MAP3K13: variants seen among roughly 807,000 people sequenced by gnomAD.
MAP3K13 encodes leucine zipper-bearing kinase.
In MAP3K13, 52 loss-of-function variants were observed where a neutral mutation model predicts 104.0. The observed-to-expected ratio is 0.50, with a 90% CI of 0.40 to 0.63. MAP3K13 has a LOEUF of 0.63. MAP3K13 is among the 20% of genes least tolerant of loss of function. MAP3K13 has a pLI of 0.00. For synonymous variants in MAP3K13, 394 were observed against 442.2 expected (o/e 0.89, Z 1.37); for missense variants, 914 against 1,218.5 (o/e 0.75, Z 3.72).
rs146405420 is a variant in MAP3K13 at position 185,327,296 on chromosome 3, C to T, written c.-86+41653C>T. ...AGGATTCATGTGACTAGGTTGGACT[C>T]CTCCGGATAATCTCCCCATTTCAAA... On this transcript the variant is annotated intron_variant, in intron 2 of 14. Coordinates refer to the MAP3K13 transcript ENST00000424227. Among the ~76,000 whole-genome samples, 401 of 152,338 alleles carry T rather than the reference C, an allele frequency of 2.6e-3. 2 individuals carry two copies. The highest frequency in any genetic ancestry group is 0.014 in the South Asian group (69 of 4,832).
chr3:185,294,995 C>G (rs1720867627), intron 2 of MAP3K13, among the ~76,000 whole-genome samples: 1 of 152,198 alleles, frequency 6.6e-6, no homozygotes, highest in Non-Finnish European at 1.5e-5. Context: ...CCTCCCCCCT[C>G]TAATCTCATT....
chr3:185,441,737 T>C (rs1715332658), intron 3 of MAP3K13, among the ~76,000 whole-genome samples: 1 of 151,768 alleles, frequency 6.6e-6, no homozygotes, highest in Admixed American at 6.6e-5. Context: ...ACCCCGTCTC[T>C]ACTAAAAATA....
At chr3:185,357,576 C>T (rs1723421968) in intron 2 of MAP3K13, among the ~76,000 whole-genome samples, 1 of 151,576 alleles carries the variant, frequency 6.6e-6, no homozygotes, top group Non-Finnish European at 1.5e-5. Context: ...CCTTTGCAAA[C>T]TCAGTATATT....
At chr3:185,437,144 C>G (rs1469036527) in intron 2 of MAP3K13, among the ~76,000 whole-genome samples, 2 of 151,088 alleles carry the variant, frequency 1.3e-5, no homozygotes, top group Non-Finnish European at 2.9e-5. Flanking sequence ...GGTAAATTGA[C>G]TGACATGCAA....
chr3:185,344,182 T>A lies in MAP3K13; in HGVS notation c.-86+58539T>A, dbSNP rs546882082. Among the ~76,000 whole-genome samples the A allele has an allele frequency of 2.6e-5, 4 of 151,928 alleles. No homozygotes were observed. The South Asian group carries it at 8.3e-4, about 32-fold the overall frequency. On this transcript the variant is annotated intron_variant, in intron 2 of 14. Coordinates refer to the MAP3K13 transcript ENST00000424227. ...CACCATCTACTGTCTATACCTGCTATGGGTCTGGGAAGAGGCATAGAGGCA... is the reference window on the plus strand; with the variant it reads ...CACCATCTACTGTCTATACCTGCTAAGGGTCTGGGAAGAGGCATAGAGGCA...
intron 2 of MAP3K13, among the ~76,000 whole-genome samples, chr3:185,287,779 T>C (rs1720577512): frequency 6.6e-6 from 1 of 152,174 alleles, no homozygotes; most frequent in African/African-American, 2.4e-5. Flanking sequence ...CTCATGCCTG[T>C]AATCCTAGCA....
Position 185,455,657 on chromosome 3 carries a change from GAT to G in MAP3K13, c.1278+4271_1278+4272del, listed in dbSNP as rs1308538421. ...TATGATATATATGAGATATATATATGATATATATATGATATATATATGAGATA... is the reference window on the plus strand; with the variant it reads ...TATGATATATATGAGATATATATATGATATATATGATATATATATGAGATA... On this transcript the variant is annotated intron_variant, in intron 7 of 13. Transcript: ENST00000265026. Among the ~76,000 whole-genome samples the G allele has an allele frequency of 2.0e-3, 113 of 56,040 alleles. 9 individuals are homozygous for G. Among genetic ancestry groups the G allele is most frequent in the African/African-American group, 4.0e-3 (51 of 12,704 alleles). 36.8% of individuals were successfully genotyped at this position (56,040 alleles called of 152,430 possible). A position where few individuals can be genotyped will look rare whatever the true frequency, so the allele number is the denominator to read the frequency against.
At position 185,480,291 on chromosome 3, in the gene MAP3K13, C is replaced by G. The variant is rs1380511564; in HGVS notation, c.2561C>G (p.Ser854Cys). 2.5e-6 allele frequency: 4 copies of G among 1,614,204 alleles called. No homozygotes were observed. Among genetic ancestry groups the G allele is most frequent in the Non-Finnish European group, 3.4e-6 (4 of 1,180,052 alleles). Residue 854 changes from serine to cysteine, a missense_variant, in exon 13 of 14, where the codon TCT becomes TGT. By Grantham distance (112) the Ser-to-Cys change is moderately radical. Transcript: ENST00000265026. ...SYSTFSSENF[S>C]VSDGEEGNTS... ...TCAACCTTTAGCTCTGAGAATTTCT[C>G]TGTGTCTGATGGAGAAGAGGGAAAT...
intron 9 of MAP3K13, 117 bp from the exon 10 acceptor site, chr3:185,466,706 GTCT>G (rs1224290931): frequency 6.3e-5 from 75 of 1,194,896 alleles, no homozygotes; most frequent in Non-Finnish European, 8.5e-5. Flanking sequence ...CTGAATAGCA[GTCT>G]TGTTATTCAA....
intron 2 of MAP3K13, chr3:185,292,905 C>T: frequency 3.0e-6 from 3 of 984,180 alleles, no homozygotes; most frequent in Non-Finnish European, 3.6e-6. Context: ...ATTTGTGAAA[C>T]TTTTTTACTA....
rs377668260 is a variant in MAP3K13, at chr3:185,473,426, A to G, written c.2095A>G (p.Ile699Val). 1.9e-6 allele frequency: 3 copies of G among 1,614,080 alleles called. No homozygotes were observed. The highest frequency in any genetic ancestry group is 2.7e-5 in the African/African-American group (2 of 74,940). The change falls in exon 11 of 14, where the codon ATC (isoleucine) becomes GTC (valine). Residue 699 changes from isoleucine to valine, a missense_variant. Coordinates refer to ENST00000265026, the MANE Select transcript of MAP3K13 (RefSeq NM_004721.5). This position sits in a 1 kb window ranked among gnomAD's most constrained non-coding sequence, Gnocchi z 4.9. The stretch of plus-strand genomic sequence containing the variant: ...GCTGCCCGGCTCGAGCCCTGACCTC[A>G]TCTCCACAGCCATGGCTGCAGACTG... Reference protein sequence around the residue: ...RQLPGSSPDLISTAMAADCWR... With the variant: ...RQLPGSSPDLVSTAMAADCWR...
chr3:185,405,686 T>C (rs1713075373), intron 1 of MAP3K13, among the ~76,000 whole-genome samples: 2 of 152,242 alleles, frequency 1.3e-5, no homozygotes, highest in Non-Finnish European at 2.9e-5. Context: ...AATGTCTCTT[T>C]TTCTGTGAAG....
rs1189549791 is a variant in MAP3K13, at chr3:185,487,435, G to A, written c.*4979G>A. ...CCTGCTTTGGCCTCCCAAAGTACTG[G>A]GATTACAAACGTGAGCTGCCATGCC... is the stretch of plus-strand genomic sequence containing the variant. On this transcript the variant is annotated 3_prime_UTR_variant, in exon 14 of 14. Coordinates refer to ENST00000265026, the MANE Select transcript of MAP3K13 (RefSeq NM_004721.5). 6.6e-6 allele frequency: 1 copy of A among 151,844 alleles called. No homozygotes were observed. The highest frequency in any genetic ancestry group is 2.4e-5 in the African/African-American group (1 of 41,244). The allele number at this position is 151,844 out of a possible 1,614,324, so 9.4% of individuals were successfully genotyped here. A position where few individuals can be genotyped will look rare whatever the true frequency, so the allele number is the denominator to read the frequency against.
At chr3:185,359,363 C>T (rs1480002120), upstream of MAP3K13, among the ~76,000 whole-genome samples, 1 of 152,142 alleles carries the variant, frequency 6.6e-6, no homozygotes, top group Admixed American at 6.6e-5. Flanking sequence ...TATGGGATTA[C>T]AATTCAAGAT....
At chr3:185,381,712 C>T (rs933453162) in intron 1 of MAP3K13, among the ~76,000 whole-genome samples, 1 of 152,188 alleles carries the variant, frequency 6.6e-6, no homozygotes, top group East Asian at 1.9e-4. Flanking sequence ...ATGTGCCTTA[C>T]AGAGAAGTTC....
intron 4 of MAP3K13, among the ~76,000 whole-genome samples, chr3:185,447,127 T>C (rs1295388104): frequency 6.6e-6 from 1 of 152,168 alleles, no homozygotes; most frequent in African/African-American, 2.4e-5. Flanking sequence ...GGTTGAGAAC[T>C]TTTTGCATTT....
chr3:185,415,849 C>T (rs1577529766), intron 1 of MAP3K13, among the ~76,000 whole-genome samples: 1 of 152,122 alleles, frequency 6.6e-6, no homozygotes, highest in African/African-American at 2.4e-5. Context: ...TCCCAAAGTG[C>T]CGGGATTGCA....
At chr3:185,357,030 C>T (rs568416467) in intron 2 of MAP3K13, among the ~76,000 whole-genome samples, 10 of 151,942 alleles carry the variant, frequency 6.6e-5, no homozygotes, top group African/African-American at 2.4e-4. Flanking sequence ...GAAATGCCAA[C>T]TTGTGTCTAG....
At chr3:185,319,041 C>G (rs1721771000) in intron 2 of MAP3K13, among the ~76,000 whole-genome samples, 1 of 152,074 alleles carries the variant, frequency 6.6e-6, no homozygotes, top group Non-Finnish European at 1.5e-5. Flanking sequence ...TATCCCTAAA[C>G]AGTATATTGA....
Sources: gnomAD v4.1 joint callset for allele counts (sites outside exome capture counted in the v4.1 genomes callset) on GRCh38, gnomAD v4.1.1 for gene constraint, Gnocchi (gnomAD v3.1) non-coding constraint, MANE v1.5 for transcripts, NCBI Gene and HGNC (gene_info 2026-07-23, HGNC 2026-07-21) for gene names.